MREG: variants seen among roughly 807,000 people sequenced by gnomAD.
MREG encodes the protein dilute suppressor protein homolog.
MREG carries 31 observed loss-of-function variants against 28.5 expected under a neutral mutation model. The observed-to-expected ratio is 1.09, with a 90% CI of 0.82 to 1.47. The LOEUF is 1.47. Ranked by LOEUF, MREG falls within the 40% of genes most tolerant of loss-of-function variation. The probability of loss-of-function intolerance (pLI) is 0.00; values close to 1 mark genes in which losing one functional copy is unlikely to be tolerated. For synonymous variants in MREG, 106 were observed against 95.2 expected (o/e 1.11, Z -0.66); for missense variants, 256 against 257.4 (o/e 0.99, Z 0.04).
At chr2:215,958,348 C>G (rs887965192) in intron 2 of MREG, among the ~76,000 whole-genome samples, 3 of 152,164 alleles carry the variant, frequency 2.0e-5, no homozygotes, top group Admixed American at 1.3e-4. Context: ...CTTCAGAGTT[C>G]GTGCAGCAAA....
At chr2:215,973,985 G>A (rs1040835025) in intron 2 of MREG, among the ~76,000 whole-genome samples, 4 of 152,164 alleles carry the variant, frequency 2.6e-5, no homozygotes, top group South Asian at 4.1e-4. Context: ...ATTTGCACTC[G>A]GGTCCATTGA....
Position 215,996,298 on chromosome 2 carries a change from G to T in MREG, c.255+8C>A. ...TCCGCGCACAGCAAGACATCAAAAG[G>T]TGCTCACCTCTGAGTCTTTGGCCTG... On this transcript the variant is annotated splice_region_variant and intron_variant, in intron 2 of 4. Transcript: ENST00000263268. 6.2e-7 allele frequency: 1 copy of T among 1,611,896 alleles called. No individual in the cohort carries two copies. Among genetic ancestry groups the T allele is most frequent in the Non-Finnish European group, 8.5e-7 (1 of 1,179,316 alleles).
chr2:215,953,128 A>G (rs1271791187), intron 2 of MREG, among the ~76,000 whole-genome samples: 3 of 152,254 alleles, frequency 2.0e-5, no homozygotes, highest in Non-Finnish European at 4.4e-5. Context: ...CAAGGAAGAA[A>G]CAAAGGGCAT....
rs1175391914 is a variant in MREG at position 215,943,507 on chromosome 2, A to G, written c.*1356T>C. ...GATGAAAGAGGAGAGAAGAAAACAG[A>G]GGTCAAACACTTCAGTTTACAGATG... On this transcript the variant is annotated 3_prime_UTR_variant, in exon 5 of 5. Coordinates refer to ENST00000263268, the MANE Select transcript of MREG (RefSeq NM_018000.3). 2.2e-6 allele frequency: 1 copy of G among 456,680 alleles called. No homozygotes were observed. 28.3% of individuals were successfully genotyped at this position (456,680 alleles called of 1,614,324 possible).
intron 2 of MREG, among the ~76,000 whole-genome samples, chr2:215,960,398 C>T (rs969646211): frequency 6.6e-6 from 1 of 152,200 alleles, no homozygotes; most frequent in African/African-American, 2.4e-5. Flanking sequence ...CTGAACTGCA[C>T]TGCACATGAT....
At chr2:216,026,081 A>G (rs1416881015) in intron 1 of MREG, among the ~76,000 whole-genome samples, 2 of 152,218 alleles carry the variant, frequency 1.3e-5, no homozygotes, top group Non-Finnish European at 2.9e-5. Flanking sequence ...CCTCAAAAAC[A>G]TTATGATAAG....
downstream of MREG, among the ~76,000 whole-genome samples, chr2:215,942,208 C>A (rs1417091460): frequency 6.6e-6 from 1 of 152,072 alleles, no homozygotes; most frequent in Non-Finnish European, 1.5e-5. Context: ...ATCTACCACC[C>A]CAAATCAACC....
intron 2 of MREG, among the ~76,000 whole-genome samples, chr2:215,995,547 A>C (rs1423678921): frequency 7.5e-5 from 11 of 145,852 alleles, no homozygotes; most frequent in African/African-American, 3.0e-4. Flanking sequence ...CCCAACTATA[A>C]GTTTCCCTAC....
chr2:215,999,580 AT>A (rs1338395905), intron 1 of MREG, among the ~76,000 whole-genome samples: 1 of 152,232 alleles, frequency 6.6e-6, no homozygotes, highest in African/African-American at 2.4e-5. Context: ...TACAGGAAAA[AT>A]GGGGTTCTAC....
chr2:216,000,792 G>A (rs73072188), intron 1 of MREG, among the ~76,000 whole-genome samples: 2,915 of 152,246 alleles, frequency 0.019, 81 homozygotes, highest in African/African-American at 0.066. Context: ...CATGGTTACC[G>A]CCTTTTAAAA....
intron 2 of MREG, among the ~76,000 whole-genome samples, chr2:215,949,084 C>CTAATAATAATAA (rs1491366027): frequency 1.2e-4 from 14 of 115,426 alleles, no homozygotes; most frequent in Admixed American, 4.6e-4. Context: ...ACTACTACTA[C>CTAATAATAATAA]TACTAATAAT....
At chr2:215,963,587 A>T (rs887776197) in intron 2 of MREG, among the ~76,000 whole-genome samples, 7 of 152,238 alleles carry the variant, frequency 4.6e-5, no homozygotes, top group African/African-American at 1.7e-4. Flanking sequence ...TAGAAAATTT[A>T]AAATGACTTA....
intron 2 of MREG, among the ~76,000 whole-genome samples, chr2:215,952,146 A>T (rs1692506192): frequency 6.6e-6 from 1 of 152,188 alleles, no homozygotes; most frequent in Admixed American, 6.5e-5. Context: ...ATATTTACCA[A>T]ATTATCTTTA....
chr2:215,975,698 A>G (rs1269142229), intron 2 of MREG, among the ~76,000 whole-genome samples: 1 of 152,224 alleles, frequency 6.6e-6, no homozygotes, highest in Non-Finnish European at 1.5e-5. Flanking sequence ...ATATTAAATA[A>G]TGCATCAAGA....
At chr2:215,995,156 T>A (rs140662886) in intron 2 of MREG, among the ~76,000 whole-genome samples, 8 of 152,164 alleles carry the variant, frequency 5.3e-5, no homozygotes, top group Non-Finnish European at 1.2e-4. Context: ...GCCTTCAGCA[T>A]TGCCCATCAC....
intron 2 of MREG, among the ~76,000 whole-genome samples, chr2:215,954,320 C>A (rs1285722484): frequency 6.6e-6 from 1 of 152,128 alleles, no homozygotes; most frequent in Non-Finnish European, 1.5e-5. Flanking sequence ...AATCTTTTCA[C>A]AATCTGAAGA....
At chr2:215,970,949 G>T (rs1244757619) in intron 2 of MREG, among the ~76,000 whole-genome samples, 1 of 152,122 alleles carries the variant, frequency 6.6e-6, no homozygotes, top group East Asian at 1.9e-4. Flanking sequence ...ATACTATGCA[G>T]CCATAAAAAA....
chr2:216,026,154 G>C (rs1412363593), intron 1 of MREG, among the ~76,000 whole-genome samples: 2 of 152,146 alleles, frequency 1.3e-5, no homozygotes, highest in Non-Finnish European at 2.9e-5. Context: ...AATATCCATA[G>C]AGAGACATAA....
At chr2:215,971,518 CTA>C (rs879822121) in intron 2 of MREG, among the ~76,000 whole-genome samples, 3 of 152,158 alleles carry the variant, frequency 2.0e-5, no homozygotes, top group Admixed American at 1.3e-4. Flanking sequence ...CAATGAAATT[CTA>C]TGTTTTTGGA....
Sources: allele counts gnomAD v4.1 joint callset (sites outside exome capture counted in the v4.1 genomes callset), GRCh38; gene constraint gnomAD v4.1.1; transcripts MANE v1.5; gene names NCBI Gene and HGNC (gene_info 2026-07-23, HGNC 2026-07-21).